The following CSMD3 variants were observed in gnomAD, a reference collection of about 807,000 sequenced individuals.
CSMD3 encodes the protein CUB and sushi domain-containing protein 3.
A neutral mutation model predicts 435.2 loss-of-function variants in CSMD3; 177 were observed. The observed-to-expected ratio is 0.41, with a 90% CI of 0.36 to 0.46. The LOEUF is 0.46. Ranked by LOEUF, CSMD3 falls within the 20% of genes least tolerant of loss-of-function variation. The probability of loss-of-function intolerance (pLI) is 0.34; values close to 1 mark genes in which losing one functional copy is unlikely to be tolerated. For synonymous variants in CSMD3, 1,656 were observed against 1,520.5 expected (o/e 1.09, Z -2.07); for missense variants, 4,265 against 4,504.6 (o/e 0.95, Z 1.52).
intron 4 of CSMD3, among the ~76,000 whole-genome samples, chr8:113,103,893 T>C (rs2090399877): frequency 6.6e-6 from 1 of 152,128 alleles, no homozygotes; most frequent in African/African-American, 2.4e-5. Context: ...AAATTAAATT[T>C]TTATTTACTT....
In CSMD3 at chr8:112,370,032, A is replaced by AGAG. The variant is rs1828205035; in HGVS notation, c.6136+10319_6136+10320insCTC. Among the ~76,000 whole-genome samples, 26 of 35,162 alleles carry AGAG rather than the reference A, an allele frequency of 7.4e-4. 1 individual carries two copies. The East Asian group carries it at 0.011, about 14-fold the overall frequency. 23.1% of individuals were successfully genotyped at this position (35,162 alleles called of 152,430 possible). A position where few individuals can be genotyped will look rare whatever the true frequency, so the allele number is the denominator to read the frequency against. On this transcript the variant is annotated intron_variant, in intron 38 of 70. Coordinates refer to ENST00000297405, the MANE Select transcript of CSMD3 (RefSeq NM_198123.2). ...AAGAGGAAGAAGAAGAGGAAGAAGA[A>AGAG]GAAGAAGAAGAAGAAGAAGAAGAAG...
chr8:113,267,531 G>T (rs1424848269), intron 3 of CSMD3, among the ~76,000 whole-genome samples: 1 of 151,606 alleles, frequency 6.6e-6, no homozygotes, highest in Non-Finnish European at 1.5e-5. Flanking sequence ...TTATATGTGG[G>T]ATCTAAGATA....
chr8:112,722,851 G>A (rs988234597), intron 13 of CSMD3, among the ~76,000 whole-genome samples: 2 of 152,046 alleles, frequency 1.3e-5, no homozygotes, highest in Non-Finnish European at 2.9e-5. Flanking sequence ...ATTTAAGTGG[G>A]AGTATTAAGA....
chr8:113,047,028 A>G (rs1205472115), intron 5 of CSMD3, among the ~76,000 whole-genome samples: 1 of 152,196 alleles, frequency 6.6e-6, no homozygotes, highest in Non-Finnish European at 1.5e-5. Flanking sequence ...ATACACCATC[A>G]GGTTGATGGA....
chr8:112,786,968 G>A (rs923097557), intron 13 of CSMD3, among the ~76,000 whole-genome samples: 2 of 152,080 alleles, frequency 1.3e-5, no homozygotes, highest in Admixed American at 1.3e-4. Flanking sequence ...CCACTTATGA[G>A]TGAGAACATG....
intron 10 of CSMD3, among the ~76,000 whole-genome samples, chr8:112,911,649 G>GTGTGTGTGTGTGTACATATATA (rs1554716635): frequency 1.6e-5 from 1 of 64,482 alleles, no homozygotes; most frequent in East Asian, 5.6e-4. Context: ...ATATGTGTGT[G>GTGTGTGTGTGTGTACATATATA]TGTGTGTGTG....
chr8:112,332,842 T>TA (rs925770202), intron 45 of CSMD3, among the ~76,000 whole-genome samples: 2 of 152,166 alleles, frequency 1.3e-5, no homozygotes, highest in Admixed American at 1.3e-4. Flanking sequence ...GGCATTATGC[T>TA]ACCTGTATAT....
intron 10 of CSMD3, among the ~76,000 whole-genome samples, chr8:112,868,394 T>C (rs1422478990): frequency 2.6e-5 from 4 of 152,188 alleles, no homozygotes; most frequent in Non-Finnish European, 4.4e-5. Flanking sequence ...AGTTGTTTAT[T>C]ATCATAATAA....
At chr8:113,043,162 T>A (rs993638791) in intron 5 of CSMD3, among the ~76,000 whole-genome samples, 1 of 152,178 alleles carries the variant, frequency 6.6e-6, no homozygotes, top group Admixed American at 6.5e-5. Context: ...AACACATACA[T>A]AATAGGTCAC....
chr8:112,868,127 G>T (rs1319189622), intron 10 of CSMD3, among the ~76,000 whole-genome samples: 5 of 151,194 alleles, frequency 3.3e-5, no homozygotes, highest in Admixed American at 3.3e-4. Flanking sequence ...ATTAGCCTAG[G>T]TCTACACAGG....
At chr8:112,351,935 G>T (rs1321014634) in intron 39 of CSMD3, among the ~76,000 whole-genome samples, 1 of 151,748 alleles carries the variant, frequency 6.6e-6, no homozygotes, top group Non-Finnish European at 1.5e-5. Context: ...CATAAAATCA[G>T]AATATACATT....
chr8:113,068,030 T>C (rs961577756), intron 5 of CSMD3, among the ~76,000 whole-genome samples: 6 of 152,270 alleles, frequency 3.9e-5, no homozygotes, highest in Non-Finnish European at 7.4e-5. Context: ...ACTTTAATTA[T>C]TGTTCAGTGA....
chr8:112,888,184 C>G (rs192212777), intron 10 of CSMD3, among the ~76,000 whole-genome samples: 1 of 151,590 alleles, frequency 6.6e-6, no homozygotes, highest in African/African-American at 2.4e-5. Context: ...GGGATTATGG[C>G]CATACACAGA....
At chr8:113,029,450 G>C (rs2086999512) in intron 5 of CSMD3, among the ~76,000 whole-genome samples, 2 of 151,488 alleles carry the variant, frequency 1.3e-5, no homozygotes, top group African/African-American at 4.8e-5. Flanking sequence ...TTTCATACCA[G>C]GGATGCAGGG....
intron 12 of CSMD3, among the ~76,000 whole-genome samples, chr8:112,811,057 CTAA>C (rs892184765): frequency 1.3e-5 from 2 of 151,854 alleles, no homozygotes; most frequent in Non-Finnish European, 2.9e-5. Context: ...TCCTTCAAGG[CTAA>C]TAATACAATA....
intron 12 of CSMD3, among the ~76,000 whole-genome samples, chr8:112,804,807 G>A (rs1014430818): frequency 1.3e-5 from 2 of 151,986 alleles, no homozygotes; most frequent in African/African-American, 2.4e-5. Flanking sequence ...TGGGACTACA[G>A]GTGTGCACCA....
intron 13 of CSMD3, among the ~76,000 whole-genome samples, chr8:112,758,374 G>A (rs1286560776): frequency 4.6e-5 from 7 of 151,550 alleles, no homozygotes; most frequent in East Asian, 1.9e-4. Flanking sequence ...TTTAAAAAAG[G>A]AAAAAAATAT....
chr8:112,906,773 C>T (rs537218266), intron 10 of CSMD3, among the ~76,000 whole-genome samples: 2 of 151,636 alleles, frequency 1.3e-5, no homozygotes, highest in South Asian at 2.1e-4. Context: ...TGCTCCTCAT[C>T]CCCTAAATTC....
intron 13 of CSMD3, among the ~76,000 whole-genome samples, chr8:112,799,162 A>G (rs2078901019): frequency 6.6e-6 from 1 of 151,932 alleles, no homozygotes; most frequent in Non-Finnish European, 1.5e-5. Context: ...TGGCATTTAC[A>G]TAGATTTCTT....
Sources: allele counts gnomAD v4.1 joint callset (sites outside exome capture counted in the v4.1 genomes callset), GRCh38; gene constraint gnomAD v4.1.1; transcripts MANE v1.5; gene names NCBI Gene and HGNC (gene_info 2026-07-23, HGNC 2026-07-21).